UNC45B: variants seen among roughly 807,000 people sequenced by gnomAD.
UNC45B encodes protein unc-45 homolog B.
A neutral mutation model predicts 98.7 loss-of-function variants in UNC45B; 78 were observed. The ratio of observed to expected loss-of-function variants is 0.79; its 90% CI spans 0.66 to 0.95. The LOEUF (loss-of-function observed/expected upper bound fraction) is 0.95. UNC45B is among the 40% of genes least tolerant of loss of function. UNC45B has a pLI of 0.00. For synonymous variants in UNC45B, 462 were observed against 480.4 expected, an observed-to-expected ratio of 0.96 and a Z score of 0.50; for missense variants, 1,225 against 1,184.9, an observed-to-expected ratio of 1.03 and a Z score of -0.50.
intron 2 of UNC45B, 125 bp from the exon 3 acceptor site, chr17:35,148,848 C>T: frequency 8.5e-7 from 1 of 1,169,812 alleles, no homozygotes; most frequent in Admixed American, 2.0e-5. Context: ...AGGAGCATGC[C>T]CTGGGCCTCT....
At chr17:35,174,517 C>A in intron 14 of UNC45B, 148 bp downstream of exon 14, 1 of 1,230,828 alleles carries the variant, frequency 8.1e-7, no homozygotes, top group Non-Finnish European at 1.1e-6. Context: ...CTGAGGGGAT[C>A]AGCTTTGAAA....
At chr17:35,148,926 A>G (rs1255963661) in intron 2 of UNC45B, 47 bp from the exon 3 acceptor site, 22 of 1,612,324 alleles carry the variant, frequency 1.4e-5, no homozygotes, top group Non-Finnish European at 1.7e-5. Flanking sequence ...CCATCTCTGC[A>G]TTGGGCCCAC....
rs1219112912 is a variant in UNC45B, at chr17:35,174,226, C to G, written c.1831-16C>G. The G allele has an allele frequency of 1.9e-6, 3 of 1,614,086 alleles. No homozygotes were observed. Among genetic ancestry groups the G allele is most frequent in the Non-Finnish European group, 2.5e-6 (3 of 1,179,950 alleles). On this transcript the variant is annotated splice_polypyrimidine_tract_variant and intron_variant, in intron 13 of 19. Transcript: ENST00000394570. ...ACCCAGGACCCTCCCACATTGCCAT[C>G]TTTTCATCTCCTCAGGACAAGAAGG...
At chr17:35,185,943 A>G (rs1477965899) in intron 19 of UNC45B, among the ~76,000 whole-genome samples, 1 of 152,184 alleles carries the variant, frequency 6.6e-6, no homozygotes, top group East Asian at 1.9e-4. Context: ...TGGGAAGTCC[A>G]AGATGAGACA....
At chr17:35,183,700 C>T (rs2092287670) in intron 19 of UNC45B, 118 bp downstream of exon 19, 1 of 1,148,314 alleles carries the variant, frequency 8.7e-7, no homozygotes, top group East Asian at 2.9e-5. Context: ...CCTCGCAGCC[C>T]CCAGGCTTCT....
chr17:35,186,309 G>C lies in UNC45B; in HGVS notation c.2540G>C (p.Trp847Ser). 1 of 1,613,958 alleles carries C rather than the reference G, an allele frequency of 6.2e-7. No homozygotes were observed. Among genetic ancestry groups the C allele is most frequent in the Non-Finnish European group, 8.5e-7 (1 of 1,180,012 alleles). ...CLKMTQVTTQ[W>S]LEILQRLCLH... ...TTTCCCTGCCTCCAGACAACCCAGT[G>C]GTTGGAGATCCTCCAGCGGCTTTGC... is the stretch of plus-strand genomic sequence containing the variant. Residue 847 changes from tryptophan (W) to serine (S), a missense_variant, in exon 20 of 20, where the codon TGG becomes TCG. Coordinates refer to ENST00000394570, the MANE Select transcript of UNC45B (RefSeq NM_001267052.2).
intron 2 of UNC45B, 78 bp from the exon 3 acceptor site, chr17:35,148,895 C>A: frequency 6.3e-7 from 1 of 1,579,812 alleles, no homozygotes; most frequent in Non-Finnish European, 8.7e-7. Flanking sequence ...CCTCTCCCCA[C>A]ACTGTGGGGA....
intron 4 of UNC45B, among the ~76,000 whole-genome samples, chr17:35,152,399 G>A (rs1220208649): frequency 6.6e-6 from 1 of 152,192 alleles, no homozygotes; most frequent in Non-Finnish European, 1.5e-5. Flanking sequence ...GGGCAGTGGG[G>A]TTGGAGTGGG....
rs1391874869 is a variant in UNC45B at position 35,152,888 on chromosome 17, C to T, written c.382-5C>T. The T allele has an allele frequency of 1.2e-6, 2 of 1,613,844 alleles. No homozygotes were observed. The highest frequency in any genetic ancestry group is 2.2e-5 in the East Asian group (1 of 44,886). On this transcript the variant is annotated splice_polypyrimidine_tract_variant and splice_region_variant and intron_variant, in intron 4 of 19. Coordinates refer to ENST00000394570, the MANE Select transcript of UNC45B (RefSeq NM_001267052.2). ...CTCCTTCCCCACTCCCTCCTCTCTC[C>T]TCAGCTCCGAGTGCAGTTCTCCACA... is the stretch of plus-strand genomic sequence containing the variant.
intron 17 of UNC45B, among the ~76,000 whole-genome samples, chr17:35,179,822 G>A (rs1009657084): frequency 6.6e-6 from 1 of 152,000 alleles, no homozygotes; most frequent in African/African-American, 2.4e-5. Context: ...GATGGGCGCA[G>A]CAAGCCAACA....
intron 9 of UNC45B, among the ~76,000 whole-genome samples, chr17:35,165,851 A>G (rs573086029): frequency 6.6e-6 from 1 of 152,164 alleles, no homozygotes; most frequent in Admixed American, 6.5e-5. Context: ...AGGCAGAAGA[A>G]TCGCTTGAAC....
At chr17:35,172,022 G>C (rs890391004) in intron 13 of UNC45B, among the ~76,000 whole-genome samples, 1 of 152,080 alleles carries the variant, frequency 6.6e-6, no homozygotes, top group South Asian at 2.1e-4. Flanking sequence ...ATATAATCAT[G>C]CTGCAAAACG....
In UNC45B at chr17:35,174,270, T is replaced by A; in HGVS notation, c.1859T>A (p.Val620Glu). The change falls in exon 14 of 20, where the codon GTG becomes GAG. Residue 620 changes from valine to glutamate, a missense_variant. Val to Glu is a moderately radical substitution (Grantham distance 121, BLOSUM62 -2). Coordinates refer to ENST00000394570, the MANE Select transcript of UNC45B (RefSeq NM_001267052.2). ...AAGAAGGACTTTATAGACATGCGGG[T>A]GAAGCGGCTTCTGAAGGCGGGTGTC... The part of the protein sequence containing the change: ...KDKKDFIDMR[V>E]KRLLKAGVIS... 1 of 1,614,142 alleles carries A rather than the reference T, an allele frequency of 6.2e-7. No individual in the cohort carries two copies. The highest frequency in any genetic ancestry group is 8.5e-7 in the Non-Finnish European group (1 of 1,180,024).
In UNC45B at chr17:35,183,437, G is replaced by T. The variant is rs752178039; in HGVS notation, c.2384G>T (p.Arg795Met). The T allele has an allele frequency of 9.5e-6, 15 of 1,582,172 alleles. No individual in the cohort carries two copies. Among genetic ancestry groups the T allele is most frequent in the Non-Finnish European group, 1.3e-5 (15 of 1,164,226 alleles). Residue 795 changes from arginine (R) to methionine (M), a missense_variant, in exon 19 of 20, where the codon AGG (arginine) becomes ATG (methionine). By Grantham distance (91) the Arg-to-Met change is moderately conservative. Transcript: ENST00000394570. Reference protein sequence around the residue: ...NMVLHKEVQERFLADGNDRLK... With the variant: ...NMVLHKEVQEMFLADGNDRLK... ...TCCTGCCTCCCACAGGTACAGGAAA[G>T]GTTCTTGGCTGACGGGAATGACCGG...
chr17:35,171,492 T>G, intron 13 of UNC45B, 30 bp downstream of exon 13: 1 of 1,609,398 alleles, frequency 6.2e-7, no homozygotes, highest in Non-Finnish European at 8.5e-7. Flanking sequence ...GGGAGGGGTC[T>G]GGTCTGTGCC....
intron 4 of UNC45B, among the ~76,000 whole-genome samples, chr17:35,150,579 G>A (rs1158979679): frequency 6.6e-6 from 1 of 152,086 alleles, no homozygotes. Context: ...GGGAAACCCC[G>A]TCTCTACTAA....
intron 18 of UNC45B, among the ~76,000 whole-genome samples, chr17:35,182,569 C>T (rs2092280627): frequency 6.6e-6 from 1 of 152,078 alleles, no homozygotes; most frequent in Non-Finnish European, 1.5e-5. Flanking sequence ...GAGAACTAGG[C>T]CACCACCACA....
chr17:35,176,141 C>A, intron 15 of UNC45B, 107 bp downstream of exon 15: 2 of 1,078,928 alleles, frequency 1.9e-6, no homozygotes, highest in African/African-American at 1.5e-5. Flanking sequence ...ATACGGCCAC[C>A]AGTTATCTGC....
At chr17:35,165,330 G>A (rs2092131268) in intron 9 of UNC45B, among the ~76,000 whole-genome samples, 1 of 152,164 alleles carries the variant, frequency 6.6e-6, no homozygotes, top group African/African-American at 2.4e-5. Context: ...CTCCTCACTG[G>A]TGCTCCAGCA....
Sources: gnomAD v4.1 joint callset for allele counts (sites outside exome capture counted in the v4.1 genomes callset) on GRCh38, gnomAD v4.1.1 for gene constraint, MANE v1.5 for transcripts, NCBI Gene and HGNC (gene_info 2026-07-23, HGNC 2026-07-21) for gene names.